The following AVL9 variants were observed in gnomAD, a reference collection of about 807,000 sequenced individuals.
AVL9 encodes late secretory pathway protein AVL9 homolog.
Under a neutral mutation model 79.2 loss-of-function variants are expected in AVL9, and 49 were observed. The ratio of observed to expected loss-of-function variants is 0.62; its 90% CI spans 0.49 to 0.79. The LOEUF is 0.79. Ranked by LOEUF, AVL9 falls within the 30% of genes least tolerant of loss-of-function variation. The pLI, the probability that AVL9 is intolerant of heterozygous loss-of-function variation, is 0.00. For synonymous variants in AVL9, 299 were observed against 280.6 expected (o/e 1.07, Z -0.65); for missense variants, 682 against 776.8 (o/e 0.88, Z 1.45).
chr7:32,515,143 G>A lies in AVL9; in HGVS notation c.93+19341G>A, dbSNP rs530044018. On this transcript the variant is annotated intron_variant, in intron 1 of 15. Coordinates refer to ENST00000318709, the MANE Select transcript of AVL9 (RefSeq NM_015060.3). ...ATAAAATGTATAAAAGCAAGCTGGA[G>A]CCTAACCACCTTGGGCATGTGTCCT... is the stretch of plus-strand genomic sequence containing the variant. Among the ~76,000 whole-genome samples, 223 of 152,306 alleles carry A rather than the reference G, an allele frequency of 1.5e-3. 8 individuals carry two copies. The South Asian group carries it at 0.044, about 30-fold the overall frequency.
chr7:32,542,385 CAAAAAA>C (rs567774011), intron 1 of AVL9, among the ~76,000 whole-genome samples: 3 of 90,616 alleles, frequency 3.3e-5, no homozygotes, highest in African/African-American at 1.1e-4. Flanking sequence ...AGTAAAAATA[CAAAAAA>C]AAAAAAAAAA....
At chr7:32,497,119 G>A (rs944100545) in intron 1 of AVL9, among the ~76,000 whole-genome samples, 21 of 151,844 alleles carry the variant, frequency 1.4e-4, no homozygotes, top group Non-Finnish European at 1.9e-4. Flanking sequence ...ACTTTGGGAG[G>A]CCGAGGCGGG....
intron 1 of AVL9, among the ~76,000 whole-genome samples, chr7:32,540,029 G>A (rs974597083): frequency 2.6e-5 from 4 of 152,122 alleles, no homozygotes; most frequent in Non-Finnish European, 5.9e-5. Context: ...GCCAAGTAAG[G>A]TAACAAATAG....
At chr7:32,535,196 T>C (rs944351716) in intron 1 of AVL9, 1 of 152,206 alleles carries the variant, frequency 6.6e-6, no homozygotes, top group Non-Finnish European at 1.5e-5. Context: ...TGGGGTGTCA[T>C]GTCCTGAACT....
rs1329715787 is a variant in AVL9, at chr7:32,583,881, A to G, written c.1921A>G (p.Thr641Ala). Residue 641 changes from threonine (T) to alanine (A), a missense_variant, in exon 16 of 16, where the codon ACT becomes GCT. By Grantham distance (58) the Thr-to-Ala change is moderately conservative. Coordinates refer to ENST00000318709, the MANE Select transcript of AVL9 (RefSeq NM_015060.3). ...TFTTSTSQSL[T>A]EPPDEKP ...CACCACTTCCACCTCCCAAAGTCTC[A>G]CTGAGCCACCAGATGAGAAGCCTTG... 6 of 1,613,366 alleles carry G rather than the reference A, an allele frequency of 3.7e-6. No individual in the cohort carries two copies. Among genetic ancestry groups the G allele is most frequent in the Non-Finnish European group, 4.2e-6 (5 of 1,179,546 alleles).
At chr7:32,512,004 G>A (rs910704234) in intron 1 of AVL9, among the ~76,000 whole-genome samples, 1 of 152,138 alleles carries the variant, frequency 6.6e-6, no homozygotes, top group Non-Finnish European at 1.5e-5. Context: ...TGCCTATTAT[G>A]AAACATACAT....
chr7:32,511,402 T>A (rs1470304726), intron 1 of AVL9, among the ~76,000 whole-genome samples: 1 of 150,744 alleles, frequency 6.6e-6, no homozygotes, highest in Non-Finnish European at 1.5e-5. Flanking sequence ...GGGTGAGATT[T>A]GTGAGCCATC....
intron 1 of AVL9, among the ~76,000 whole-genome samples, chr7:32,502,756 C>T (rs1787197381): frequency 6.6e-6 from 1 of 152,180 alleles, no homozygotes; most frequent in Admixed American, 6.5e-5. Context: ...CTCTGGGTGA[C>T]TCTCTTCAGA....
chr7:32,530,746 G>A (rs777920324), intron 1 of AVL9, among the ~76,000 whole-genome samples: 7 of 152,118 alleles, frequency 4.6e-5, no homozygotes, highest in Non-Finnish European at 7.4e-5. Flanking sequence ...TCAGGAGTTC[G>A]AGACCAGCCT....
At chr7:32,542,184 C>CTT (rs113254142) in intron 1 of AVL9, among the ~76,000 whole-genome samples, 1,643 of 138,074 alleles carry the variant, frequency 0.012, 33 homozygotes, top group African/African-American at 0.042. Context: ...TTTTACAGTC[C>CTT]TTTTTTTTTT....
intron 2 of AVL9, among the ~76,000 whole-genome samples, chr7:32,544,039 G>A (rs193227136): frequency 2.0e-4 from 30 of 151,870 alleles, no homozygotes; most frequent in East Asian, 3.9e-4. Context: ...GGTTATAGAC[G>A]TGAGCCACTA....
intron 1 of AVL9, among the ~76,000 whole-genome samples, chr7:32,511,116 G>A (rs1162074800): frequency 8.3e-5 from 12 of 145,296 alleles, no homozygotes; most frequent in African/African-American, 2.8e-4. Flanking sequence ...CATCTCCCCA[G>A]GGTAAGATTT....
At chr7:32,497,701 G>A (rs1186822505) in intron 1 of AVL9, among the ~76,000 whole-genome samples, 1 of 150,582 alleles carries the variant, frequency 6.6e-6, no homozygotes, top group East Asian at 2.0e-4. Flanking sequence ...TCTCACCCAG[G>A]CTGGAGTGCA....
chr7:32,559,609 T>G (rs568490503), intron 10 of AVL9, 145 bp downstream of exon 10: 54 of 735,018 alleles, frequency 7.3e-5, no homozygotes, highest in Non-Finnish European at 1.0e-4. Flanking sequence ...TACATAGTAC[T>G]GTGGCATCCG....
chr7:32,504,021 G>A (rs1260075639), intron 1 of AVL9, among the ~76,000 whole-genome samples: 2 of 152,178 alleles, frequency 1.3e-5, no homozygotes, highest in African/African-American at 4.8e-5. Flanking sequence ...CTGCCCCGTG[G>A]CCTTCACTGA....
intron 1 of AVL9, among the ~76,000 whole-genome samples, chr7:32,530,509 A>C (rs556465454): frequency 6.6e-6 from 1 of 152,362 alleles, no homozygotes; most frequent in South Asian, 2.1e-4. Flanking sequence ...ATTTATTCTC[A>C]TATCAGGTAG....
intron 15 of AVL9, 137 bp from the exon 16 acceptor site, chr7:32,583,655 G>C: frequency 1.8e-6 from 1 of 559,438 alleles, no homozygotes; most frequent in East Asian, 3.2e-5. Flanking sequence ...CTCCAGCCTG[G>C]GCGACAGAGT....
Position 32,585,928 on chromosome 7 carries a change from C to T in AVL9, c.*2021C>T, listed in dbSNP as rs926048300. ...ATTCTAACATCTTGTTTCATAAGGG[C>T]CACATCATTCGTTGGAGCATGATAG... On this transcript the variant is annotated 3_prime_UTR_variant, in exon 16 of 16. Coordinates refer to ENST00000318709, the MANE Select transcript of AVL9 (RefSeq NM_015060.3). 2 of 152,178 alleles carry T rather than the reference C, an allele frequency of 1.3e-5. No individual in the cohort carries two copies. The highest frequency in any genetic ancestry group is 4.8e-5 in the African/African-American group (2 of 41,440). 9.4% of individuals were successfully genotyped at this position (152,178 alleles called of 1,614,324 possible).
intron 1 of AVL9, among the ~76,000 whole-genome samples, chr7:32,502,145 C>G (rs777748376): frequency 2.6e-5 from 4 of 151,896 alleles, no homozygotes; most frequent in Non-Finnish European, 5.9e-5. Flanking sequence ...GGGAAGATCG[C>G]TTGAGCCCAG....
Sources: allele counts gnomAD v4.1 joint callset (sites outside exome capture counted in the v4.1 genomes callset), GRCh38; gene constraint gnomAD v4.1.1; transcripts MANE v1.5; gene names NCBI Gene and HGNC (gene_info 2026-07-23, HGNC 2026-07-21).